MYRFL: variants seen among roughly 807,000 people sequenced by gnomAD.
The protein encoded by MYRFL is myelin regulatory factor like, also known as myelin regulatory factor-like protein.
A neutral mutation model predicts 109.4 loss-of-function variants in MYRFL; 88 were observed. The ratio of observed to expected loss-of-function variants is 0.80; its 90% CI spans 0.68 to 0.96. The LOEUF is 0.96. Among genes scored for constraint, MYRFL ranks in the 40% least tolerant of loss-of-function variants. The probability of loss-of-function intolerance (pLI) is 0.00; values close to 1 mark genes in which losing one functional copy is unlikely to be tolerated. For synonymous variants in MYRFL, 324 were observed against 320.9 expected, an observed-to-expected ratio of 1.01 and a Z score of -0.10; for missense variants, 957 against 954.9, an observed-to-expected ratio of 1.00 and a Z score of -0.03.
intron 1 of MYRFL, among the ~76,000 whole-genome samples, chr12:69,849,063 G>T (rs1883730771): frequency 6.6e-6 from 1 of 152,216 alleles, no homozygotes; most frequent in African/African-American, 2.4e-5. Flanking sequence ...GTAGAGACAG[G>T]GTTTCACCAT....
intron 13 of MYRFL, among the ~76,000 whole-genome samples, chr12:69,922,031 T>C (rs1246064442): frequency 6.6e-6 from 1 of 152,058 alleles, no homozygotes; most frequent in African/African-American, 2.4e-5. Flanking sequence ...AAAAAGAGTA[T>C]CAGTAGTGTC....
intron 1 of MYRFL, among the ~76,000 whole-genome samples, chr12:69,826,177 TC>T (rs1882265362): frequency 6.6e-6 from 1 of 152,096 alleles, no homozygotes; most frequent in Non-Finnish European, 1.5e-5. Context: ...AGATTCTATG[TC>T]ACTATTGGGA....
chr12:69,955,374 A>G lies in MYRFL; in HGVS notation c.2387A>G (p.Tyr796Cys). Reference protein sequence around the residue: ...IQSLQCGSGNYNYNIPVNKHT... With the variant: ...IQSLQCGSGNCNYNIPVNKHT... ...CTTTCCATAATTAGATCTGGAAATT[A>G]TAATTACAATATTCCTGTTAATAAA... Residue 796 changes from tyrosine to cysteine, a missense_variant, in exon 22 of 25, where the codon TAT becomes TGT. Tyr to Cys is a radical substitution (Grantham distance 194, BLOSUM62 -2). Coordinates refer to ENST00000552032, the MANE Select transcript of MYRFL (RefSeq NM_182530.3). 1.6e-6 allele frequency: 1 copy of G among 639,860 alleles called. No homozygotes were observed. The highest frequency in any genetic ancestry group is 2.8e-6 in the Non-Finnish European group (1 of 362,006). 39.6% of individuals were successfully genotyped at this position (639,860 alleles called of 1,614,324 possible).
intron 5 of MYRFL, among the ~76,000 whole-genome samples, chr12:69,884,573 C>T (rs768033719): frequency 2.0e-5 from 3 of 152,220 alleles, no homozygotes; most frequent in Non-Finnish European, 2.9e-5. Context: ...GAACATTGAC[C>T]TTGCTGCCAC....
At chr12:69,945,343 G>C (rs1955800107) in intron 19 of MYRFL, among the ~76,000 whole-genome samples, 1 of 152,138 alleles carries the variant, frequency 6.6e-6, no homozygotes, top group African/African-American at 2.4e-5. Context: ...TCCCTACACA[G>C]GTGGACTAGT....
chr12:69,949,054 C>A (rs552816601), intron 19 of MYRFL, among the ~76,000 whole-genome samples: 1 of 152,146 alleles, frequency 6.6e-6, no homozygotes, highest in East Asian at 1.9e-4. Context: ...ATCTGGGATA[C>A]AACAGTGAAC....
chr12:69,957,494 G>A (rs2120566793), intron 22 of MYRFL, among the ~76,000 whole-genome samples: 1 of 152,298 alleles, frequency 6.6e-6, no homozygotes. Flanking sequence ...GGGTGGCCGA[G>A]GCGTTAGGGT....
chr12:69,917,868 A>G (rs1422834538), intron 13 of MYRFL, among the ~76,000 whole-genome samples: 1 of 151,744 alleles, frequency 6.6e-6, no homozygotes, highest in Non-Finnish European at 1.5e-5. Flanking sequence ...GATAAGGTCA[A>G]TATTGGCTTT....
At chr12:69,886,106 G>A (rs943784149) in intron 5 of MYRFL, among the ~76,000 whole-genome samples, 9 of 152,052 alleles carry the variant, frequency 5.9e-5, no homozygotes, top group Non-Finnish European at 8.8e-5. Flanking sequence ...CCCTCAAACT[G>A]CCTTGTGCAA....
chr12:69,910,742 C>A, intron 12 of MYRFL, 79 bp from the exon 13 acceptor site: 1 of 1,039,880 alleles, frequency 9.6e-7, no homozygotes, highest in East Asian at 2.9e-5. Flanking sequence ...TATTGTAGAT[C>A]AAAGCAAAAG....
chr12:69,836,863 A>G (rs971917066), intron 1 of MYRFL, among the ~76,000 whole-genome samples: 6 of 152,190 alleles, frequency 3.9e-5, no homozygotes, highest in African/African-American at 1.4e-4. Flanking sequence ...TGAAAATGTT[A>G]GAAAAAACAA....
chr12:69,921,994 AAAG>A (rs1954928512), intron 13 of MYRFL, among the ~76,000 whole-genome samples: 1 of 152,038 alleles, frequency 6.6e-6, no homozygotes, highest in Non-Finnish European at 1.5e-5. Flanking sequence ...ATTTTTTTTT[AAAG>A]AAGGAGATGG....
intron 4 of MYRFL, among the ~76,000 whole-genome samples, 156 bp downstream of exon 4, chr12:69,879,609 T>C (rs943797076): frequency 1.3e-5 from 2 of 152,204 alleles, no homozygotes; most frequent in Non-Finnish European, 1.5e-5. Context: ...CCAGTGTTCT[T>C]GGCTTAGACA....
chr12:69,930,967 T>C (rs1955255154), intron 15 of MYRFL, among the ~76,000 whole-genome samples: 1 of 152,208 alleles, frequency 6.6e-6, no homozygotes, highest in Non-Finnish European at 1.5e-5. Flanking sequence ...AGTAATTCTA[T>C]GCACACCTTA....
chr12:69,865,264 G>A (rs1884948506), intron 2 of MYRFL, among the ~76,000 whole-genome samples: 1 of 152,216 alleles, frequency 6.6e-6, no homozygotes, highest in African/African-American at 2.4e-5. Flanking sequence ...GTGAACAGCT[G>A]TGTAGAAATG....
intron 10 of MYRFL, among the ~76,000 whole-genome samples, chr12:69,897,769 C>A (rs1954045651): frequency 6.6e-6 from 1 of 152,154 alleles, no homozygotes; most frequent in African/African-American, 2.4e-5. Flanking sequence ...ACCCTAAAGC[C>A]CACAGGGTGG....
Position 69,878,435 on chromosome 12 carries a change from T to C in MYRFL, c.138-593T>C, listed in dbSNP as rs79970057. 5.2e-3 allele frequency among the ~76,000 whole-genome samples: 784 copies of C among 152,214 alleles called. 16 individuals carry two copies. In the East Asian group the frequency reaches 0.054, roughly 10 times the overall value. The stretch of plus-strand genomic sequence containing the variant: ...TTACATTTCGTTAGCTCAAACAGTA[T>C]GTACAACCATTTTTTTCTGGTATAG... On this transcript the variant is annotated intron_variant, in intron 2 of 24. Transcript: ENST00000552032.
intron 11 of MYRFL, among the ~76,000 whole-genome samples, chr12:69,905,065 A>G (rs1457033356): frequency 1.3e-5 from 2 of 152,222 alleles, no homozygotes; most frequent in Non-Finnish European, 2.9e-5. Context: ...GCAGAGCTAG[A>G]GAGTTCTTAC....
intron 13 of MYRFL, among the ~76,000 whole-genome samples, chr12:69,913,553 G>T (rs375880242): frequency 6.6e-6 from 1 of 152,262 alleles, no homozygotes; most frequent in East Asian, 1.9e-4. Flanking sequence ...TGAAAAGACT[G>T]TCCTTTTCCC....
Sources: gnomAD v4.1 joint callset for allele counts (sites outside exome capture counted in the v4.1 genomes callset) on GRCh38, gnomAD v4.1.1 for gene constraint, MANE v1.5 for transcripts, NCBI Gene and HGNC (gene_info 2026-07-23, HGNC 2026-07-21) for gene names.